Variants in SLC7A6OS observed in about 807,000 individuals in gnomAD.
SLC7A6OS encodes the protein probable RNA polymerase II nuclear localization protein SLC7A6OS.
Under a neutral mutation model 34.3 loss-of-function variants are expected in SLC7A6OS, and 22 were observed. The ratio of observed to expected loss-of-function variants is 0.64; its 90% CI spans 0.46 to 0.92. SLC7A6OS has a LOEUF of 0.92. Among genes scored for constraint, SLC7A6OS ranks in the 40% least tolerant of loss-of-function variants. The pLI is 0.00. For missense variants in SLC7A6OS, 434 were observed against 407.7 expected (o/e 1.06, Z -0.56); for synonymous variants, 199 against 165.0 (o/e 1.21, Z -1.58).
intron 2 of SLC7A6OS, among the ~76,000 whole-genome samples, chr16:68,304,552 C>T (rs1433332597): frequency 4.6e-5 from 7 of 152,192 alleles, no homozygotes; most frequent in Admixed American, 4.6e-4. Flanking sequence ...GATCTCCTGA[C>T]CTCAAGTAAT....
Position 68,300,530 on chromosome 16 carries a change from T to C in SLC7A6OS, c.*745A>G. 3 of 824,986 alleles carry C rather than the reference T, an allele frequency of 3.6e-6. No individual in the cohort carries two copies. Among genetic ancestry groups the C allele is most frequent in the Non-Finnish European group, 4.4e-6 (3 of 683,564 alleles). 51.1% of individuals were successfully genotyped at this position (824,986 alleles called of 1,614,324 possible). A position where few individuals can be genotyped will look rare whatever the true frequency, so the allele number is the denominator to read the frequency against. On this transcript the variant is annotated 3_prime_UTR_variant, in exon 5 of 5. Transcript: ENST00000263997. ...CTCCCTTGCCTTAAGTCCTTGGTAT[T>C]TATAATCAATGCTGAACCTTCTATT...
intron 4 of SLC7A6OS, 164 bp downstream of exon 4, chr16:68,302,217 G>T: frequency 1.4e-6 from 1 of 732,170 alleles, no homozygotes; most frequent in South Asian, 1.7e-5. Context: ...GGAGGCCCCT[G>T]GGAAACACTG....
At position 68,299,048 on chromosome 16, in the gene SLC7A6OS, T is replaced by C. The variant is rs1349909946; in HGVS notation, c.*2227A>G. ...CCCTGGGTTCAGAGCATAATGCATATGTGAAGCATGGGGTGACATTCCTAC... is the reference window on the plus strand; with the variant it reads ...CCCTGGGTTCAGAGCATAATGCATACGTGAAGCATGGGGTGACATTCCTAC... On this transcript the variant is annotated 3_prime_UTR_variant, in exon 5 of 5. Coordinates refer to ENST00000263997, the MANE Select transcript of SLC7A6OS (RefSeq NM_032178.3). 2.0e-5 allele frequency: 3 copies of C among 152,630 alleles called. No homozygotes were observed. The highest frequency in any genetic ancestry group is 6.5e-5 in the Admixed American group (1 of 15,280). The allele number at this position is 152,630 out of a possible 1,614,324, so 9.5% of individuals were successfully genotyped here.
chr16:68,304,548 C>T (rs947272132), intron 2 of SLC7A6OS, among the ~76,000 whole-genome samples: 3 of 152,092 alleles, frequency 2.0e-5, no homozygotes, highest in African/African-American at 7.2e-5. Context: ...TTTTGATCTC[C>T]TGACCTCAAG....
chr16:68,304,337 T>G, intron 2 of SLC7A6OS, 105 bp from the exon 3 acceptor site: 1 of 1,032,308 alleles, frequency 9.7e-7, no homozygotes, highest in Non-Finnish European at 1.5e-6. Flanking sequence ...ACAGTTTTTT[T>G]TGAGACGGAG....
chr16:68,303,711 G>A (rs143790995), intron 3 of SLC7A6OS: 86 of 242,560 alleles, frequency 3.5e-4, no homozygotes, highest in African/African-American at 1.5e-3. Flanking sequence ...TGATTTTATC[G>A]TCTTTATCTT....
rs1029687057 is a variant in SLC7A6OS at position 68,298,845 on chromosome 16, G to A, written c.*2430C>T. 2 of 152,596 alleles carry A rather than the reference G, an allele frequency of 1.3e-5. No individual in the cohort carries two copies. Among genetic ancestry groups the A allele is most frequent in the Non-Finnish European group, 2.9e-5 (2 of 68,114 alleles). The allele number at this position is 152,596 out of a possible 1,614,324, so 9.5% of individuals were successfully genotyped here. On this transcript the variant is annotated 3_prime_UTR_variant, in exon 5 of 5. Transcript: ENST00000263997. ...GATGCCCCCAGACACTGTCATCCTG[G>A]GCCGAGAAGAACCTGCTAGCTTGAC...
chr16:68,299,525 A>T lies in SLC7A6OS; in HGVS notation c.*1750T>A, dbSNP rs2043232816. 6.6e-6 allele frequency: 1 copy of T among 152,536 alleles called. No homozygotes were observed. Among genetic ancestry groups the T allele is most frequent in the Non-Finnish European group, 1.5e-5 (1 of 68,040 alleles). 9.4% of individuals were successfully genotyped at this position (152,536 alleles called of 1,614,324 possible). ...CTTCATGGTGGAATTAATTTCTGCC[A>T]GCTCTTTGTTGTCTGTCTCCTTAAA... On this transcript the variant is annotated 3_prime_UTR_variant, in exon 5 of 5. Transcript: ENST00000263997.
chr16:68,304,219 T>C lies in SLC7A6OS; in HGVS notation c.485A>G (p.Asp162Gly). 3.7e-6 allele frequency: 6 copies of C among 1,614,180 alleles called. No homozygotes were observed. The highest frequency in any genetic ancestry group is 5.1e-6 in the Non-Finnish European group (6 of 1,180,016). ...SAGSCKTSDP[D>G]VILCNSVELI... is the part of the protein sequence containing the mutation. ...CTCTACAGAATTGCAGAGGATCACA[T>C]CTGGGTCAGATGTCTGTAAAGAAAC... The change falls in exon 3 of 5, where the codon GAT becomes GGT. Residue 162 changes from aspartate (D) to glycine (G), a missense_variant. Physicochemically the swap from Asp to Gly is moderately conservative, Grantham distance 94 (BLOSUM62 -1). Transcript: ENST00000263997.
rs899010272 is a variant in SLC7A6OS, at chr16:68,298,223, C to G, written c.*3052G>C. ...TTACTTGAGACCTTACATCTTTGTT[C>G]TAGCTGACAGTAAATCTCTGGGTTT... On this transcript the variant is annotated 3_prime_UTR_variant, in exon 5 of 5. Transcript: ENST00000263997. The G allele has an allele frequency of 6.6e-6, 1 of 152,612 alleles. No homozygotes were observed. The highest frequency in any genetic ancestry group is 1.5e-5 in the Non-Finnish European group (1 of 68,044). The allele number at this position is 152,612 out of a possible 1,614,324, so 9.5% of individuals were successfully genotyped here.
At chr16:68,307,578 T>A (rs1289265273) in intron 2 of SLC7A6OS, among the ~76,000 whole-genome samples, 1 of 152,218 alleles carries the variant, frequency 6.6e-6, no homozygotes, top group South Asian at 2.1e-4. Flanking sequence ...TGGCTTTAGA[T>A]CCAAACAATA....
chr16:68,308,647 A>G (rs1263272099), intron 2 of SLC7A6OS, among the ~76,000 whole-genome samples: 1 of 152,186 alleles, frequency 6.6e-6, no homozygotes, highest in African/African-American at 2.4e-5. Flanking sequence ...AAAAACAACA[A>G]TAAACAATTA....
At position 68,310,595 on chromosome 16, in the gene SLC7A6OS, G is replaced by C; in HGVS notation, c.211C>G (p.Leu71Val). The change falls in exon 2 of 5, where the codon CTC becomes GTC. Residue 71 changes from leucine to valine, a missense_variant. Transcript: ENST00000263997. ...VCSQEEPVQP[L>V]LREVLRPSRD... ...GACGGGCGCAGAACTTCCCGCAGGA[G>C]AGGCTGGACTGGTTCCTCCTAGGGG... is the stretch of plus-strand genomic sequence containing the variant. The C allele has an allele frequency of 6.3e-7, 1 of 1,597,046 alleles. No individual in the cohort carries two copies. The highest frequency in any genetic ancestry group is 8.5e-7 in the Non-Finnish European group (1 of 1,172,994).
chr16:68,310,553 G>C lies in SLC7A6OS; in HGVS notation c.253C>G (p.Arg85Gly). The change falls in exon 2 of 5, where the codon CGT becomes GGT. Residue 85 changes from arginine (R) to glycine (G), a missense_variant. Coordinates refer to ENST00000263997, the MANE Select transcript of SLC7A6OS (RefSeq NM_032178.3). ...GAGGCGCGGAGATTACGGCGGACAC[G>C]CTGCTGGCTGTCCCGTGACGGGCGC... The part of the protein sequence containing the change: ...VLRPSRDSQQ[R>G]VRRNLRASAR... 6.3e-7 allele frequency: 1 copy of C among 1,581,274 alleles called. No individual in the cohort carries two copies. Among genetic ancestry groups the C allele is most frequent in the Non-Finnish European group, 8.6e-7 (1 of 1,165,116 alleles).
rs1231312920 is a variant in SLC7A6OS, at chr16:68,299,748, C to T, written c.*1527G>A. 6.6e-6 allele frequency: 1 copy of T among 152,112 alleles called. No homozygotes were observed. Among genetic ancestry groups the T allele is most frequent in the Non-Finnish European group, 1.5e-5 (1 of 68,026 alleles). 9.4% of individuals were successfully genotyped at this position (152,112 alleles called of 1,614,324 possible). ...TGTTTCTATGCCTACAGACAGAAAG[C>T]AAGATGTCTAATATTAGACATACAA... On this transcript the variant is annotated 3_prime_UTR_variant, in exon 5 of 5. Coordinates refer to ENST00000263997, the MANE Select transcript of SLC7A6OS (RefSeq NM_032178.3).
chr16:68,305,390 A>G lies in SLC7A6OS; in HGVS notation c.472-1158T>C, dbSNP rs1383207314. Among the ~76,000 whole-genome samples, 3 of 152,204 alleles carry G rather than the reference A, an allele frequency of 2.0e-5. No individual in the cohort carries two copies. In the East Asian group the frequency reaches 5.8e-4, roughly 29 times the overall value. On this transcript the variant is annotated intron_variant, in intron 2 of 4. Coordinates refer to ENST00000263997, the MANE Select transcript of SLC7A6OS (RefSeq NM_032178.3). ...AGAACAGTTTGAAATGCAATGCCCC[A>G]GAATAGAAATGGCCCAGGTAAGATG...
In SLC7A6OS at chr16:68,300,770, A is replaced by G. The variant is rs2043256001; in HGVS notation, c.*505T>C. On this transcript the variant is annotated 3_prime_UTR_variant, in exon 5 of 5. Transcript: ENST00000263997. The stretch of plus-strand genomic sequence containing the variant: ...TGTTAACTAAAATCTCCCACTGCTC[A>G]GACTACTTTCTGCCCTAATGGCCAT... The G allele has an allele frequency of 2.0e-6, 2 of 985,558 alleles. No homozygotes were observed. Among genetic ancestry groups the G allele is most frequent in the Non-Finnish European group, 2.4e-6 (2 of 830,008 alleles). 61.1% of individuals were successfully genotyped at this position (985,558 alleles called of 1,614,324 possible). A position where few individuals can be genotyped will look rare whatever the true frequency, so the allele number is the denominator to read the frequency against.
Position 68,301,147 on chromosome 16 carries a change from T to C in SLC7A6OS, c.*128A>G. 1.4e-6 allele frequency: 2 copies of C among 1,458,224 alleles called. No homozygotes were observed. The highest frequency in any genetic ancestry group is 1.8e-6 in the Non-Finnish European group (2 of 1,101,216). The allele number at this position is 1,458,224 out of a possible 1,614,324, so 90.3% of individuals were successfully genotyped here. A position where few individuals can be genotyped will look rare whatever the true frequency, so the allele number is the denominator to read the frequency against. On this transcript the variant is annotated 3_prime_UTR_variant, in exon 5 of 5. Coordinates refer to ENST00000263997, the MANE Select transcript of SLC7A6OS (RefSeq NM_032178.3). ...ACTGTGGTGGGATGGTGCCGCCCGA[T>C]ATGCTTGATATGCTTTTCCTTCCAC...
intron 4 of SLC7A6OS, 121 bp downstream of exon 4, chr16:68,302,260 C>T (rs531990793): frequency 1.3e-5 from 16 of 1,201,574 alleles, no homozygotes; most frequent in African/African-American, 6.0e-5. Flanking sequence ...GGCTCAGTTG[C>T]GGCTGGGCTG....
Sources: allele counts gnomAD v4.1 joint callset (sites outside exome capture counted in the v4.1 genomes callset), GRCh38; gene constraint gnomAD v4.1.1; transcripts MANE v1.5; gene names NCBI Gene and HGNC (gene_info 2026-07-23, HGNC 2026-07-21).